GRIA4: variants seen among roughly 807,000 people sequenced by gnomAD.
GRIA4 encodes the protein glutamate receptor 4.
GRIA4 carries 34 observed loss-of-function variants against 104.0 expected under a neutral mutation model. The ratio of observed to expected loss-of-function variants is 0.33; its 90% CI spans 0.25 to 0.44. The LOEUF (loss-of-function observed/expected upper bound fraction) is 0.44, where lower values mean the gene tolerates loss of function less well. Among genes scored for constraint, GRIA4 ranks in the 20% least tolerant of loss-of-function variants. GRIA4 has a pLI of 1.00. For synonymous variants in GRIA4, 386 were observed against 381.9 expected (o/e 1.01, Z -0.13); for missense variants, 750 against 1,096.5 (o/e 0.68, Z 4.46).
intron 3 of GRIA4, among the ~76,000 whole-genome samples, chr11:105,726,141 G>T (rs2135591119): frequency 6.6e-6 from 1 of 152,284 alleles, no homozygotes; most frequent in East Asian, 1.9e-4. Flanking sequence ...AGATCCACTG[G>T]CTTGAAATTC....
At chr11:105,722,854 T>A (rs1216403161) in intron 3 of GRIA4, among the ~76,000 whole-genome samples, 1 of 152,162 alleles carries the variant, frequency 6.6e-6, no homozygotes, top group East Asian at 1.9e-4. Context: ...CAAATTTACA[T>A]AGTCTAGGCA....
intron 14 of GRIA4, among the ~76,000 whole-genome samples, chr11:105,960,034 G>A (rs1035828074): frequency 6.6e-6 from 1 of 152,236 alleles, no homozygotes; most frequent in Non-Finnish European, 1.5e-5. Context: ...CCTGATGCCA[G>A]TAGGATCGCT....
intron 8 of GRIA4, 47 bp from the exon 9 acceptor site, chr11:105,905,150 A>G (rs539882151): frequency 1.7e-5 from 17 of 1,000,516 alleles, no homozygotes; most frequent in South Asian, 1.7e-4. Context: ...TAAAATTCCT[A>G]TAAGTGAAAT....
In GRIA4 at chr11:105,933,990, A is replaced by G. The variant is rs1222213259; in HGVS notation, c.2294+21A>G. 3.1e-6 allele frequency: 5 copies of G among 1,591,398 alleles called. No homozygotes were observed. The African/African-American group carries it at 4.0e-5, about 13-fold the overall frequency. ...TTAAGGTGGGTGGAATAGTATAACA[A>G]TATAACATGTGTTGTTATAGTATTC... On this transcript the variant is annotated intron_variant, in intron 14 of 16. Coordinates refer to ENST00000282499, the MANE Select transcript of GRIA4 (RefSeq NM_000829.4).
chr11:105,610,680 G>A (rs951167294), intron 1 of GRIA4: 3 of 290,388 alleles, frequency 1.0e-5, no homozygotes, highest in Non-Finnish European at 2.0e-5. Context: ...TCATCCCTGC[G>A]AGCAGCCACT....
chr11:105,961,129 T>G (rs1267528612), intron 14 of GRIA4, among the ~76,000 whole-genome samples: 1 of 152,360 alleles, frequency 6.6e-6, no homozygotes, highest in South Asian at 2.1e-4. Context: ...CTCCTCTTAT[T>G]AAATCCTCGA....
At chr11:105,963,332 G>T (rs976168186) in intron 14 of GRIA4, among the ~76,000 whole-genome samples, 3 of 152,062 alleles carry the variant, frequency 2.0e-5, no homozygotes, top group Non-Finnish European at 4.4e-5. Context: ...CGTGGTTTAT[G>T]TTAAAGTTTA....
At position 105,704,848 on chromosome 11, in the gene GRIA4, A is replaced by G. The variant is rs1953636072; in HGVS notation, c.248-48133A>G. Among the ~76,000 whole-genome samples the G allele has an allele frequency of 2.0e-5, 3 of 152,280 alleles. No individual in the cohort carries two copies. The South Asian group carries it at 6.2e-4, about 32-fold the overall frequency. ...AGCAATGTTTCTCCCATGTTAGTTTATGAATTTAACTCACTCCTTATAAAA... is the reference window on the plus strand; with the variant it reads ...AGCAATGTTTCTCCCATGTTAGTTTGTGAATTTAACTCACTCCTTATAAAA... On this transcript the variant is annotated intron_variant, in intron 3 of 16. Transcript: ENST00000282499.
At chr11:105,971,264 G>A (rs1858677544) in intron 14 of GRIA4, among the ~76,000 whole-genome samples, 1 of 152,134 alleles carries the variant, frequency 6.6e-6, no homozygotes, top group African/African-American at 2.4e-5. Flanking sequence ...TTATGTTAAA[G>A]ACTGCAATTT....
intron 4 of GRIA4, among the ~76,000 whole-genome samples, chr11:105,861,752 A>T (rs1945233188): frequency 6.6e-6 from 1 of 152,198 alleles, no homozygotes; most frequent in African/African-American, 2.4e-5. Context: ...CATCAAAAAA[A>T]TGTCTACAGC....
chr11:105,680,457 C>G (rs984976588), intron 3 of GRIA4, among the ~76,000 whole-genome samples: 4 of 151,922 alleles, frequency 2.6e-5, no homozygotes, highest in African/African-American at 7.3e-5. Flanking sequence ...AAAAAAAGGT[C>G]ATTTCTGAAG....
At chr11:105,966,156 C>A in intron 14 of GRIA4, 1 of 818,060 alleles carries the variant, frequency 1.2e-6, no homozygotes, top group South Asian at 1.5e-5. Context: ...TAATACCAGT[C>A]GAATTGCTAG....
At chr11:105,624,301 G>C (rs2135284171) in intron 3 of GRIA4, among the ~76,000 whole-genome samples, 1 of 152,176 alleles carries the variant, frequency 6.6e-6, no homozygotes, top group South Asian at 2.1e-4. Context: ...AGTGTCTGCT[G>C]ACAAAAGAAA....
Position 105,981,047 on chromosome 11 carries a change from T to C in GRIA4, c.*1308T>C, listed in dbSNP as rs1486605247. The stretch of plus-strand genomic sequence containing the variant: ...TATTCCTATTGTTCCCTTTAAATCA[T>C]ATGAAGGCATTCATAATAGCTTGGG... On this transcript the variant is annotated 3_prime_UTR_variant, in exon 17 of 17. Coordinates refer to ENST00000282499, the MANE Select transcript of GRIA4 (RefSeq NM_000829.4). 7 of 152,766 alleles carry C rather than the reference T, an allele frequency of 4.6e-5. No homozygotes were observed. The East Asian group carries it at 9.6e-4, about 21-fold the overall frequency. 9.5% of individuals were successfully genotyped at this position (152,766 alleles called of 1,614,324 possible).
At chr11:105,771,094 C>G (rs1941187594) in intron 4 of GRIA4, among the ~76,000 whole-genome samples, 1 of 152,036 alleles carries the variant, frequency 6.6e-6, no homozygotes, top group East Asian at 1.9e-4. Flanking sequence ...AATCAAATAC[C>G]CTCTATAACT....
At position 105,645,163 on chromosome 11, in the gene GRIA4, C is replaced by T. The variant is rs117978809; in HGVS notation, c.247+32729C>T. Among the ~76,000 whole-genome samples the T allele has an allele frequency of 5.6e-3, 846 of 152,208 alleles. 8 individuals are homozygous for T. Among genetic ancestry groups the T allele is most frequent in the Non-Finnish European group, 8.8e-3 (598 of 68,018 alleles). On this transcript the variant is annotated intron_variant, in intron 3 of 16. Coordinates refer to ENST00000282499, the MANE Select transcript of GRIA4 (RefSeq NM_000829.4). ...AAGCTGAGCCAGAAAAGAGATGGGT[C>T]GGGGGAAAGAAGTGAAGAGATAAAC...
intron 4 of GRIA4, among the ~76,000 whole-genome samples, chr11:105,786,820 G>T (rs757804946): frequency 2.0e-5 from 3 of 152,142 alleles, no homozygotes; most frequent in Non-Finnish European, 2.9e-5. Flanking sequence ...ATTATACTGT[G>T]AATTAGACTG....
At chr11:105,665,469 G>A (rs959214814) in intron 3 of GRIA4, among the ~76,000 whole-genome samples, 5 of 151,878 alleles carry the variant, frequency 3.3e-5, no homozygotes, top group Non-Finnish European at 7.4e-5. Context: ...GCGTATCCCG[G>A]AGGTTGCACT....
intron 3 of GRIA4, among the ~76,000 whole-genome samples, chr11:105,705,144 A>T (rs1277691208): frequency 6.6e-6 from 1 of 152,126 alleles, no homozygotes; most frequent in Non-Finnish European, 1.5e-5. Context: ...TACAGGTAAC[A>T]CATTTGGGGC....
Sources: allele counts gnomAD v4.1 joint callset (sites outside exome capture counted in the v4.1 genomes callset), GRCh38; gene constraint gnomAD v4.1.1; transcripts MANE v1.5; gene names NCBI Gene and HGNC (gene_info 2026-07-23, HGNC 2026-07-21).